CTNNA2: variants seen among roughly 807,000 people sequenced by gnomAD.
CTNNA2 encodes the protein catenin alpha-2.
Under a neutral mutation model 101.0 loss-of-function variants are expected in CTNNA2, and 42 were observed. The observed-to-expected ratio is 0.42, with a 90% CI of 0.32 to 0.54. CTNNA2 has a LOEUF of 0.54. Ranked by LOEUF, CTNNA2 falls within the 20% of genes least tolerant of loss-of-function variation. CTNNA2 has a pLI of 0.14. For missense variants in CTNNA2, 871 were observed against 1,223.1 expected (o/e 0.71, Z 4.29); for synonymous variants, 450 against 456.4 (o/e 0.99, Z 0.18).
At chr2:79,244,730 T>C (rs980785033) in intron 2 of CTNNA2, among the ~76,000 whole-genome samples, 2 of 152,216 alleles carry the variant, frequency 1.3e-5, no homozygotes, top group Non-Finnish European at 2.9e-5. Context: ...ATTATGTTGT[T>C]CTTTTTTAAT....
chr2:80,197,525 G>T (rs1205752534), intron 7 of CTNNA2, among the ~76,000 whole-genome samples: 2 of 152,144 alleles, frequency 1.3e-5, no homozygotes, highest in African/African-American at 4.8e-5. Context: ...AGTGATTTGT[G>T]CCAAGTCATA....
chr2:80,584,088 C>T (rs1695768308), intron 14 of CTNNA2, among the ~76,000 whole-genome samples: 1 of 152,016 alleles, frequency 6.6e-6, no homozygotes, highest in Non-Finnish European at 1.5e-5. Context: ...TAAGAGGGTG[C>T]ATTGAATTGC....
intron 7 of CTNNA2, among the ~76,000 whole-genome samples, chr2:80,359,166 A>T (rs983593540): frequency 4.6e-5 from 7 of 152,146 alleles, no homozygotes; most frequent in Non-Finnish European, 1.0e-4. Context: ...ACTTGAGCTC[A>T]GGAGTTCAAG....
chr2:79,694,040 A>G (rs1208375587), intron 2 of CTNNA2, among the ~76,000 whole-genome samples: 1 of 151,972 alleles, frequency 6.6e-6, no homozygotes, highest in Non-Finnish European at 1.5e-5. Flanking sequence ...ACTTATATGA[A>G]TAGACTAATA....
chr2:80,096,791 G>A (rs1700183842), intron 7 of CTNNA2, among the ~76,000 whole-genome samples: 1 of 152,052 alleles, frequency 6.6e-6, no homozygotes, highest in Non-Finnish European at 1.5e-5. Context: ...GATGTTTGTT[G>A]GTTTAAAGTC....
At chr2:79,388,849 G>A (rs1316568479) in intron 4 of CTNNA2, among the ~76,000 whole-genome samples, 1 of 150,906 alleles carries the variant, frequency 6.6e-6, no homozygotes, top group Non-Finnish European at 1.5e-5. Flanking sequence ...ACTTTAACAG[G>A]TATTCCATAT....
At chr2:80,509,736 A>G (rs1397485748) in intron 9 of CTNNA2, among the ~76,000 whole-genome samples, 5 of 152,090 alleles carry the variant, frequency 3.3e-5, no homozygotes, top group African/African-American at 1.2e-4. Context: ...TAGCTAGCTT[A>G]TTGGCAGGTA....
intron 7 of CTNNA2, among the ~76,000 whole-genome samples, chr2:80,324,884 A>G (rs1365368616): frequency 6.6e-6 from 1 of 152,160 alleles, no homozygotes; most frequent in Non-Finnish European, 1.5e-5. Flanking sequence ...TCAATTTAGA[A>G]TCACTGCCTC....
rs545175223 is a variant in CTNNA2, at chr2:79,898,357, G to A, written c.853-11237G>A. 2.9e-4 allele frequency among the ~76,000 whole-genome samples: 44 copies of A among 151,948 alleles called. No individual in the cohort carries two copies. The South Asian group carries it at 6.2e-3, about 22-fold the overall frequency. Reference sequence around the variant, plus strand: ...TCACCATATTGAGCAGGCTGGTCTCGAACTCCTGACCTTGTGATCCACCCG... The same window carrying A: ...TCACCATATTGAGCAGGCTGGTCTCAAACTCCTGACCTTGTGATCCACCCG... On this transcript the variant is annotated intron_variant, in intron 6 of 18. Coordinates refer to ENST00000402739, the MANE Select transcript of CTNNA2 (RefSeq NM_001282597.3).
chr2:80,235,395 T>G (rs1709493154), intron 7 of CTNNA2, among the ~76,000 whole-genome samples: 1 of 152,180 alleles, frequency 6.6e-6, no homozygotes, highest in African/African-American at 2.4e-5. Context: ...TTGAAGGAAC[T>G]ATCAATCACT....
chr2:80,055,189 G>A (rs1000905795), intron 7 of CTNNA2, among the ~76,000 whole-genome samples: 6 of 151,986 alleles, frequency 3.9e-5, no homozygotes, highest in African/African-American at 1.4e-4. Context: ...ACCATGCTCA[G>A]CTCACTTCTT....
At chr2:80,233,729 C>T (rs750083199) in intron 7 of CTNNA2, among the ~76,000 whole-genome samples, 1 of 152,128 alleles carries the variant, frequency 6.6e-6, no homozygotes, top group Non-Finnish European at 1.5e-5. Context: ...AATATCTGCA[C>T]AGCAAAATAT....
chr2:80,502,051 A>G (rs1687920298), intron 9 of CTNNA2, among the ~76,000 whole-genome samples: 1 of 152,200 alleles, frequency 6.6e-6, no homozygotes, highest in Non-Finnish European at 1.5e-5. Context: ...CTGTGGAGTC[A>G]GAGAGGCCTA....
At chr2:79,433,626 A>G (rs1411016124) in intron 4 of CTNNA2, among the ~76,000 whole-genome samples, 6 of 17,790 alleles carry the variant, frequency 3.4e-4, no homozygotes, top group African/African-American at 3.4e-3. Context: ...CCTTTGAGGA[A>G]AAAAAAAAAA....
At chr2:79,765,019 A>C (rs756788270) in intron 3 of CTNNA2, among the ~76,000 whole-genome samples, 13 of 152,190 alleles carry the variant, frequency 8.5e-5, no homozygotes, top group Non-Finnish European at 1.8e-4. Flanking sequence ...GAGGGAAAAA[A>C]TGGAACTTAA....
At chr2:79,495,137 AAAC>A (rs1446644793) in intron 4 of CTNNA2, among the ~76,000 whole-genome samples, 4 of 152,256 alleles carry the variant, frequency 2.6e-5, no homozygotes, top group Admixed American at 1.3e-4. Context: ...ACAAACAAAA[AAAC>A]AACAACTTTT....
chr2:80,585,600 A>T (rs1225536092), intron 14 of CTNNA2, among the ~76,000 whole-genome samples: 1 of 152,116 alleles, frequency 6.6e-6, no homozygotes, highest in Non-Finnish European at 1.5e-5. Context: ...ATTGCATGTT[A>T]TGTATTTTAT....
intron 7 of CTNNA2, among the ~76,000 whole-genome samples, chr2:80,177,293 A>G (rs1463777303): frequency 6.6e-6 from 1 of 152,228 alleles, no homozygotes; most frequent in Non-Finnish European, 1.5e-5. Context: ...GAAGCATTTC[A>G]TGCAGGATAG....
At position 80,005,427 on chromosome 2, in the gene CTNNA2, T is replaced by C. The variant is rs142890129; in HGVS notation, c.1056+95630T>C. Reference sequence around the variant, plus strand: ...GAGTTCCTATCACAAAAGTTTATCATGGTGAGCTTAACAGAGACAACTTAA... The same window carrying C: ...GAGTTCCTATCACAAAAGTTTATCACGGTGAGCTTAACAGAGACAACTTAA... On this transcript the variant is annotated intron_variant, in intron 7 of 18. Coordinates refer to ENST00000402739, the MANE Select transcript of CTNNA2 (RefSeq NM_001282597.3). Among the ~76,000 whole-genome samples, 136 of 152,322 alleles carry C rather than the reference T, an allele frequency of 8.9e-4. 3 individuals carry two copies. The East Asian group carries it at 0.025, about 29-fold the overall frequency.
Sources: gnomAD v4.1 joint callset for allele counts (sites outside exome capture counted in the v4.1 genomes callset) on GRCh38, gnomAD v4.1.1 for gene constraint, MANE v1.5 for transcripts, NCBI Gene and HGNC (gene_info 2026-07-23, HGNC 2026-07-21) for gene names.